KLKB1: variants seen among roughly 807,000 people sequenced by gnomAD.
The protein encoded by KLKB1 is plasma kallikrein.
In KLKB1, 58 loss-of-function variants were observed where a neutral mutation model predicts 73.6. The observed-to-expected ratio is 0.79, with a 90% CI of 0.64 to 0.98. KLKB1 has a LOEUF of 0.98. Among genes scored for constraint, KLKB1 ranks in the 50% least tolerant of loss-of-function variants. The pLI, the probability that KLKB1 is intolerant of heterozygous loss-of-function variation, is 0.00. For missense variants in KLKB1, 737 were observed against 763.8 expected (o/e 0.96, Z 0.41); for synonymous variants, 280 against 258.1 (o/e 1.08, Z -0.81).
chr4:186,224,864 C>T (rs1378163285), upstream of KLKB1, among the ~76,000 whole-genome samples: 2 of 152,150 alleles, frequency 1.3e-5, no homozygotes, highest in African/African-American at 4.8e-5. Context: ...ATCCAAATCT[C>T]GTCTTGAATT....
chr4:186,225,265 G>A (rs1442202419), upstream of KLKB1, among the ~76,000 whole-genome samples: 2 of 121,926 alleles, frequency 1.6e-5, no homozygotes, highest in Non-Finnish European at 3.8e-5. Flanking sequence ...GCCAGGTTTT[G>A]TACTTTCAAT....
chr4:186,254,484 A>G (rs1376588642), intron 11 of KLKB1, 104 bp from the exon 12 acceptor site: 1 of 967,446 alleles, frequency 1.0e-6, no homozygotes, highest in East Asian at 2.4e-5. Flanking sequence ...AATGTGTCCT[A>G]TGTATTTCCT....
At chr4:186,254,026 T>G (rs1194151567) in intron 11 of KLKB1, among the ~76,000 whole-genome samples, 3 of 152,014 alleles carry the variant, frequency 2.0e-5, no homozygotes, top group Non-Finnish European at 2.9e-5. Flanking sequence ...AGAGACGAGG[T>G]TTCATCATGT....
intron 6 of KLKB1, among the ~76,000 whole-genome samples, chr4:186,245,837 A>C (rs866787357): frequency 5.0e-5 from 3 of 60,236 alleles, no homozygotes; most frequent in African/African-American, 1.4e-4. Context: ...TTTTTTTTTT[A>C]ATGTCAGGAG....
chr4:186,236,898 T>C lies in KLKB1; in HGVS notation c.446T>C (p.Phe149Ser), dbSNP rs1202689298. Residue 149 changes from phenylalanine to serine, a missense_variant, in exon 5 of 15, where the codon TTT (phenylalanine) becomes TCT (serine). Transcript: ENST00000264690. ...KRCTSNIRCQ[F>S]FSYATQTFHK... ...TGCACCAGTAACATTCGCTGCCAGTTTTTTTCATATGCCACGCAAACATTT... is the reference window on the plus strand; with the variant it reads ...TGCACCAGTAACATTCGCTGCCAGTCTTTTTCATATGCCACGCAAACATTT... The C allele has an allele frequency of 6.2e-7, 1 of 1,614,110 alleles. No individual in the cohort carries two copies. The highest frequency in any genetic ancestry group is 2.2e-5 in the East Asian group (1 of 44,868).
rs1429087546 is a variant in KLKB1, at chr4:186,256,773, CA to C, written c.1586-446del. On this transcript the variant is annotated intron_variant, in intron 13 of 14. Transcript: ENST00000264690. ...AAATTATAATTTTGAATATATAAAG[CA>C]AAAAAATGAAAAGTGAGAACTTCCA... Among the ~76,000 whole-genome samples the C allele has an allele frequency of 3.9e-5, 6 of 151,938 alleles. No homozygotes were observed. In the East Asian group the frequency reaches 9.7e-4, roughly 24 times the overall value.
At chr4:186,252,754 C>T (rs1000860297) in intron 11 of KLKB1, among the ~76,000 whole-genome samples, 3 of 151,086 alleles carry the variant, frequency 2.0e-5, no homozygotes, top group African/African-American at 7.3e-5. Context: ...CACCACCAAT[C>T]CCACCACCAA....
At chr4:186,240,083 A>G (rs1437025855) in intron 6 of KLKB1, among the ~76,000 whole-genome samples, 4 of 151,432 alleles carry the variant, frequency 2.6e-5, no homozygotes, top group Admixed American at 2.6e-4. Context: ...AAACTAGTAC[A>G]GTGATACTGT....
chr4:186,226,076 T>C (rs1737158398), upstream of KLKB1, among the ~76,000 whole-genome samples: 1 of 152,056 alleles, frequency 6.6e-6, no homozygotes, highest in African/African-American at 2.4e-5. Flanking sequence ...AATTCAGTCA[T>C]TTTGTTCTTT....
chr4:186,213,431 T>C (rs566874342), intron 2 of KLKB1: 9 of 152,352 alleles, frequency 5.9e-5, no homozygotes, highest in Non-Finnish European at 1.0e-4. Context: ...TGATTCATAA[T>C]GGGTAATAAA....
At chr4:186,250,767 CCTCTT>C (rs1456314373) in intron 7 of KLKB1, among the ~76,000 whole-genome samples, 1 of 152,098 alleles carries the variant, frequency 6.6e-6, no homozygotes, top group Non-Finnish European at 1.5e-5. Flanking sequence ...AAGCTTGTTG[CCTCTT>C]CTCTTTGTTT....
chr4:186,237,388 C>T (rs925092951), intron 5 of KLKB1, among the ~76,000 whole-genome samples: 6 of 152,144 alleles, frequency 3.9e-5, no homozygotes, highest in African/African-American at 1.2e-4. Flanking sequence ...TGAGCCACTG[C>T]GCCTCGCCCT....
At chr4:186,216,493 C>T (rs1437840532) in intron 2 of KLKB1, among the ~76,000 whole-genome samples, 1 of 152,092 alleles carries the variant, frequency 6.6e-6, no homozygotes, top group Non-Finnish European at 1.5e-5. Flanking sequence ...AGATGAGATG[C>T]TTGCTGGAGG....
intron 2 of KLKB1, among the ~76,000 whole-genome samples, chr4:186,214,076 G>A (rs530806614): frequency 3.3e-5 from 5 of 152,226 alleles, no homozygotes; most frequent in Non-Finnish European, 4.4e-5. Context: ...TCTCCCCAAC[G>A]AGTTTTCCCA....
intron 3 of KLKB1, among the ~76,000 whole-genome samples, chr4:186,232,984 G>C (rs887329088): frequency 1.3e-5 from 2 of 152,054 alleles, no homozygotes; most frequent in African/African-American, 2.4e-5. Flanking sequence ...GCGTGATCTC[G>C]GCTCACTGCA....
rs1258349232 is a variant in KLKB1, at chr4:186,251,920, C to T, written c.1144+59C>T. The T allele has an allele frequency of 4.4e-6, 7 of 1,603,166 alleles. No homozygotes were observed. The Admixed American group carries it at 1.2e-4, about 27-fold the overall frequency. Reference sequence around the variant, plus strand: ...GGATGTCTGTCATGTTGATAGTTTGCTTAGTCTTAAGGAATTATGTGTCTT... The same window carrying T: ...GGATGTCTGTCATGTTGATAGTTTGTTTAGTCTTAAGGAATTATGTGTCTT... On this transcript the variant is annotated intron_variant, in intron 10 of 14. Transcript: ENST00000264690.
chr4:186,213,663 A>T (rs1287733763), intron 2 of KLKB1, among the ~76,000 whole-genome samples: 1 of 152,234 alleles, frequency 6.6e-6, no homozygotes, highest in Non-Finnish European at 1.5e-5. Context: ...AGGGATTTAG[A>T]GTCCAGAAAC....
intron 2 of KLKB1, among the ~76,000 whole-genome samples, chr4:186,215,339 T>TCTTTCTTTCC (rs1736863695): frequency 8.5e-6 from 1 of 116,994 alleles, no homozygotes; most frequent in African/African-American, 3.0e-5. Flanking sequence ...TCTTTCTTTC[T>TCTTTCTTTCC]CTTTCTTTCC....
Position 186,251,559 on chromosome 4 carries a change from G to A in KLKB1, c.941G>A (p.Gly314Glu). Residue 314 changes from glycine to glutamate, a missense_variant, in exon 9 of 15, where the codon GGA (glycine) becomes GAA (glutamate). Physicochemically the swap from Gly to Glu is moderately conservative, Grantham distance 98. Transcript: ENST00000264690. ...GAATTGAATGTGACTTTTGTTAAAG[G>A]AGTGAATGTTTGCCAAGAGACTTGC... ...GEELNVTFVK[G>E]VNVCQETCTK... 3 of 1,613,954 alleles carry A rather than the reference G, an allele frequency of 1.9e-6. No individual in the cohort carries two copies. The highest frequency in any genetic ancestry group is 1.3e-5 in the African/African-American group (1 of 75,050).
Sources: allele counts gnomAD v4.1 joint callset (sites outside exome capture counted in the v4.1 genomes callset), GRCh38; gene constraint gnomAD v4.1.1; transcripts MANE v1.5; gene names NCBI Gene and HGNC (gene_info 2026-07-23, HGNC 2026-07-21).